Variants in TUSC3 observed in about 807,000 individuals in gnomAD.
The protein encoded by TUSC3 is dolichyl-diphosphooligosaccharide--protein glycosyltransferase subunit TUSC3.
Under a neutral mutation model 44.8 loss-of-function variants are expected in TUSC3, and 45 were observed. That is an observed-to-expected ratio of 1.00 (90% confidence interval 0.79 to 1.29). The LOEUF is 1.29. Ranked by LOEUF, TUSC3 falls within the 50% of genes most tolerant of loss-of-function variation. TUSC3 has a pLI of 0.00. For missense variants in TUSC3, 519 were observed against 437.9 expected (o/e 1.19, Z -1.65); for synonymous variants, 212 against 152.9 (o/e 1.39, Z -2.85).
chr8:15,806,849 G>A, the TUSC3 span: 3 of 1,009,188 alleles, frequency 3.0e-6, no homozygotes, highest in South Asian at 2.6e-5. Context: ...AACGTCTAGA[G>A]TCTTCATAGT....
At chr8:15,732,622 AC>A (rs1274968248) in intron 7 of TUSC3, among the ~76,000 whole-genome samples, 4 of 152,162 alleles carry the variant, frequency 2.6e-5, no homozygotes, top group African/African-American at 9.7e-5. Context: ...TGAAATGTAA[AC>A]ATTGAAATGA....
the TUSC3 span, among the ~76,000 whole-genome samples, chr8:15,818,386 G>A: frequency 6.6e-6 from 1 of 151,994 alleles, no homozygotes; most frequent in East Asian, 1.9e-4. Flanking sequence ...AATTATTATT[G>A]TACTTTCATT....
chr8:15,850,340 T>G, the TUSC3 span, among the ~76,000 whole-genome samples: 1 of 152,152 alleles, frequency 6.6e-6, no homozygotes, highest in Non-Finnish European at 1.5e-5. Context: ...ATCTTCCCAT[T>G]TTAGGTTTGT....
At chr8:15,851,054 C>T in the TUSC3 span, among the ~76,000 whole-genome samples, 8 of 152,276 alleles carry the variant, frequency 5.3e-5, no homozygotes, top group East Asian at 1.2e-3. Context: ...ACAGGTGTAA[C>T]GTGTCTAAGT....
At chr8:15,644,461 C>A (rs1036299396) in intron 2 of TUSC3, among the ~76,000 whole-genome samples, 4 of 152,142 alleles carry the variant, frequency 2.6e-5, no homozygotes, top group African/African-American at 9.7e-5. Flanking sequence ...TTTAACTTGC[C>A]ATTTCAGATG....
chr8:15,508,973 C>G (rs762168841), intron 2 of TUSC3, among the ~76,000 whole-genome samples: 2 of 152,046 alleles, frequency 1.3e-5, no homozygotes, highest in Non-Finnish European at 2.9e-5. Context: ...GTCTCAGGTT[C>G]CAGAAGTTGC....
At chr8:15,428,679 A>G (rs7822358) in intron 1 of TUSC3, among the ~76,000 whole-genome samples, 61,095 of 151,694 alleles carry the variant, frequency 0.4, 15,825 homozygotes, top group African/African-American at 0.74. Context: ...GTGTGAGATG[A>G]TATCTCATTG....
intron 1 of TUSC3, among the ~76,000 whole-genome samples, chr8:15,419,291 A>G (rs571158290): frequency 1.3e-5 from 2 of 152,222 alleles, no homozygotes; most frequent in African/African-American, 4.8e-5. Context: ...AGAGAGAAAA[A>G]CAGGTGACAG....
the TUSC3 span, among the ~76,000 whole-genome samples, chr8:15,826,337 G>A: frequency 0.14 from 21,343 of 152,080 alleles, 1,656 homozygotes; most frequent in East Asian, 0.25. Flanking sequence ...TCCAGACAGC[G>A]AATAAATAAC....
the TUSC3 span, among the ~76,000 whole-genome samples, chr8:15,809,226 T>A: frequency 6.6e-6 from 1 of 151,970 alleles, no homozygotes; most frequent in Non-Finnish European, 1.5e-5. Context: ...AGTGAGGGTG[T>A]GAGGATGTTG....
In TUSC3 at chr8:15,566,249, T is replaced by G. The variant is rs549882778; in HGVS notation, c.138+25681T>G. On this transcript the variant is annotated intron_variant, in intron 1 of 10. Transcript: ENST00000503731. The stretch of plus-strand genomic sequence containing the variant: ...ATAGAATTCAGAAGCCATTCTTTAG[T>G]AGTATGTTCCCTCTTATATAAGATG... Among the ~76,000 whole-genome samples, 6 of 152,278 alleles carry G rather than the reference T, an allele frequency of 3.9e-5. No homozygotes were observed. In the South Asian group the frequency reaches 8.3e-4, roughly 21 times the overall value.
intron 2 of TUSC3, among the ~76,000 whole-genome samples, chr8:15,534,503 C>A (rs28411062): frequency 1.3e-5 from 2 of 151,716 alleles, no homozygotes; most frequent in African/African-American, 2.4e-5. Context: ...ATTAGCCGGG[C>A]TTGGTGGTGG....
At chr8:15,709,628 G>A (rs1314978039) in intron 6 of TUSC3, among the ~76,000 whole-genome samples, 1 of 151,732 alleles carries the variant, frequency 6.6e-6, no homozygotes, top group African/African-American at 2.4e-5. Context: ...GGAGGAGGAT[G>A]ATGATGATGA....
intron 1 of TUSC3, among the ~76,000 whole-genome samples, chr8:15,477,145 G>T (rs1439484160): frequency 6.6e-6 from 1 of 152,230 alleles, no homozygotes; most frequent in South Asian, 2.1e-4. Flanking sequence ...AGTTTCTTTT[G>T]ATTTAGTTCT....
intron 1 of TUSC3, among the ~76,000 whole-genome samples, chr8:15,584,465 A>AG (rs1803511286): frequency 2.0e-5 from 3 of 152,352 alleles, no homozygotes; most frequent in African/African-American, 7.2e-5. Context: ...GGGAATCTAA[A>AG]GGTAAAGAAA....
chr8:15,514,980 A>G (rs993601456), intron 2 of TUSC3, among the ~76,000 whole-genome samples: 1 of 152,206 alleles, frequency 6.6e-6, no homozygotes, highest in Non-Finnish European at 1.5e-5. Flanking sequence ...AATACTCCAT[A>G]AATGACAATA....
rs73195199 is a variant in TUSC3 at position 15,673,521 on chromosome 8, T to A, written c.709-226T>A. Among the ~76,000 whole-genome samples the A allele has an allele frequency of 0.047, 7,177 of 152,124 alleles. 219 individuals are homozygous for A. Among genetic ancestry groups the A allele is most frequent in the Non-Finnish European group, 0.07 (4,739 of 67,956 alleles). ...TTATCCGATGTAATTATTAACATAT[T>A]TCTTTAACAGAGCTGGCATACCAAT... On this transcript the variant is annotated intron_variant, in intron 5 of 10. Transcript: ENST00000503731.
chr8:15,494,399 C>T (rs1800851705), intron 2 of TUSC3, among the ~76,000 whole-genome samples: 2 of 151,340 alleles, frequency 1.3e-5, no homozygotes, highest in Non-Finnish European at 2.9e-5. Flanking sequence ...CTCACTGCAG[C>T]CTCTGCCTCC....
At chr8:15,778,920 G>A in the TUSC3 span, among the ~76,000 whole-genome samples, 4 of 152,092 alleles carry the variant, frequency 2.6e-5, no homozygotes, top group Middle Eastern at 3.4e-3. Flanking sequence ...CTGAGTTTAC[G>A]TTAATTATAT....
Sources: gnomAD v4.1 joint callset for allele counts (sites outside exome capture counted in the v4.1 genomes callset) on GRCh38, gnomAD v4.1.1 for gene constraint, MANE v1.5 for transcripts, NCBI Gene and HGNC (gene_info 2026-07-23, HGNC 2026-07-21) for gene names.